DENND3: variants seen among roughly 807,000 people sequenced by gnomAD.
DENND3 encodes the protein DENN domain containing 3.
Under a neutral mutation model 135.1 loss-of-function variants are expected in DENND3, and 88 were observed. The observed-to-expected ratio is 0.65, with a 90% CI of 0.55 to 0.78. The LOEUF (loss-of-function observed/expected upper bound fraction) is 0.78. DENND3 is among the 30% of genes least tolerant of loss of function. DENND3 has a pLI of 0.00. For missense variants in DENND3, 1,392 were observed against 1,688.4 expected, an observed-to-expected ratio of 0.82 and a Z score of 3.08; for synonymous variants, 693 against 712.3, an observed-to-expected ratio of 0.97 and a Z score of 0.43.
At chr8:141,190,208 C>A in intron 19 of DENND3, 76 bp from the exon 20 acceptor site, 1 of 1,435,302 alleles carries the variant, frequency 7.0e-7, no homozygotes, top group Non-Finnish European at 9.1e-7. Flanking sequence ...CGACTTGGTT[C>A]TCTCTTGGGT....
At position 141,170,367 on chromosome 8, in the gene DENND3, GTGTA is replaced by G. The variant is rs1418017026; in HGVS notation, c.2275+1846_2275+1849del. 3.9e-5 allele frequency among the ~76,000 whole-genome samples: 6 copies of G among 152,222 alleles called. No homozygotes were observed. The South Asian group carries it at 6.2e-4, about 16-fold the overall frequency. On this transcript the variant is annotated intron_variant, in intron 13 of 22. Transcript: ENST00000519811. Reference sequence around the variant, plus strand: ...GTCATGGCCGAGTGTGTGTATGAGTGTGTATGTGTGTATATGAATGTGTGTGGGT... The same window carrying G: ...GTCATGGCCGAGTGTGTGTATGAGTGTGTGTGTATATGAATGTGTGTGGGT...
intron 9 of DENND3, among the ~76,000 whole-genome samples, chr8:141,162,439 A>G (rs1820247247): frequency 6.6e-6 from 1 of 152,136 alleles, no homozygotes; most frequent in African/African-American, 2.4e-5. Context: ...TTTAAAAAAA[A>G]GAGGCAGAAA....
At position 141,138,664 on chromosome 8, in the gene DENND3, G is replaced by C. The variant is rs914317989; in HGVS notation, c.501+527G>C. On this transcript the variant is annotated intron_variant, in intron 3 of 22. Coordinates refer to ENST00000519811, the MANE Select transcript of DENND3 (RefSeq NM_001352890.3). The surrounding 1 kb of genome is among the most constrained non-coding windows in gnomAD (Gnocchi z 4.8). ...GCCTCCCAAAGTGCTGGGATTACAG[G>C]TGTGAGCGCTGCGCCCGGCCGGCTA... Among the ~76,000 whole-genome samples, 3 of 152,176 alleles carry C rather than the reference G, an allele frequency of 2.0e-5. No individual in the cohort carries two copies. In the East Asian group the frequency reaches 5.8e-4, roughly 29 times the overall value.
At chr8:141,180,284 C>CG (rs1822924872) in intron 16 of DENND3, among the ~76,000 whole-genome samples, 2 of 152,228 alleles carry the variant, frequency 1.3e-5, no homozygotes, top group Non-Finnish European at 2.9e-5. Flanking sequence ...TCCAGCCCAA[C>CG]ACGCCCCTGG....
chr8:141,178,068 A>G lies in DENND3; in HGVS notation c.2708A>G (p.Asp903Gly). 6.2e-7 allele frequency: 1 copy of G among 1,603,388 alleles called. No individual in the cohort carries two copies. The highest frequency in any genetic ancestry group is 1.1e-5 in the South Asian group (1 of 90,678). Residue 903 changes from aspartate to glycine, a missense_variant and splice_region_variant, in exon 16 of 23, where the codon GAC becomes GGC. Asp to Gly is a moderately conservative substitution (Grantham distance 94). Transcript: ENST00000519811. ...GAAACGCACGTGTTTCTGTTGTAGG[A>G]CCCTCACTACGTCCAGCAGGCGCTG... ...AGKKLADDHK[D>G]PHYVQQALTN...
At chr8:141,188,193 C>G (rs753565055) in intron 18 of DENND3, among the ~76,000 whole-genome samples, 2 of 152,030 alleles carry the variant, frequency 1.3e-5, no homozygotes, top group Non-Finnish European at 2.9e-5. Context: ...CCACTGCACT[C>G]CAGCCTGGGT....
At chr8:141,165,758 C>G (rs180841264) in intron 11 of DENND3, among the ~76,000 whole-genome samples, 202 of 152,336 alleles carry the variant, frequency 1.3e-3, no homozygotes, top group African/African-American at 4.3e-3. Context: ...GCCACCACTC[C>G]TGGCCTGTTT....
At position 141,174,631 on chromosome 8, in the gene DENND3, G is replaced by A. The variant is rs966911837; in HGVS notation, c.2276-569G>A. Among the ~76,000 whole-genome samples, 2 of 152,152 alleles carry A rather than the reference G, an allele frequency of 1.3e-5. No individual in the cohort carries two copies. Among genetic ancestry groups the A allele is most frequent in the African/African-American group, 4.8e-5 (2 of 41,440 alleles). On this transcript the variant is annotated intron_variant, in intron 13 of 22. Coordinates refer to ENST00000519811, the MANE Select transcript of DENND3 (RefSeq NM_001352890.3). The surrounding 1 kb of genome is among the most constrained non-coding windows in gnomAD (Gnocchi z 4.6). ...GTGCTGGCCTCGTGGGAAGGTTACTGCTTCTCATCAGCGGAGGTGATTTCA... is the reference window on the plus strand; with the variant it reads ...GTGCTGGCCTCGTGGGAAGGTTACTACTTCTCATCAGCGGAGGTGATTTCA...
At chr8:141,189,874 GCT>G (rs977828367) in intron 19 of DENND3, among the ~76,000 whole-genome samples, 11 of 152,234 alleles carry the variant, frequency 7.2e-5, no homozygotes, top group Non-Finnish European at 1.6e-4. Context: ...TCACCCGAGA[GCT>G]CTGAGGATCG....
intron 4 of DENND3, chr8:141,143,840 G>A (rs571786951): frequency 4.2e-4 from 108 of 254,704 alleles, no homozygotes; most frequent in Middle Eastern, 1.3e-3. Flanking sequence ...ACAGACAAAC[G>A]CACAAATTCC....
chr8:141,180,709 G>A (rs1468030659), intron 16 of DENND3, 38 bp from the exon 17 acceptor site: 2 of 1,578,852 alleles, frequency 1.3e-6, no homozygotes, highest in African/African-American at 2.7e-5. Flanking sequence ...GTTTCCTTGA[G>A]GCTGCAACAG....
At chr8:141,187,279 G>T (rs1589713925) in intron 18 of DENND3, among the ~76,000 whole-genome samples, 1 of 150,220 alleles carries the variant, frequency 6.7e-6, no homozygotes, top group Non-Finnish European at 1.5e-5. Context: ...TTTTGACAGG[G>T]TCCCTCTCCC....
chr8:141,149,527 C>A (rs1350274514), intron 5 of DENND3, among the ~76,000 whole-genome samples: 2 of 152,252 alleles, frequency 1.3e-5, no homozygotes, highest in African/African-American at 4.8e-5. Flanking sequence ...GGAGGAACAT[C>A]ATTTACCTGC....
In DENND3 at chr8:141,175,625, T is replaced by G. The variant is rs540993500; in HGVS notation, c.2535+166T>G. The G allele has an allele frequency of 7.1e-6, 7 of 981,684 alleles. No homozygotes were observed. The Admixed American group carries it at 1.0e-4, about 14-fold the overall frequency. 60.8% of individuals were successfully genotyped at this position (981,684 alleles called of 1,614,324 possible). On this transcript the variant is annotated intron_variant, in intron 14 of 22. Transcript: ENST00000519811. This position sits in a 1 kb window ranked among gnomAD's most constrained non-coding sequence, Gnocchi z 5.4. ...AGTTTGCTCATCTGTAAAGTAGGAA[T>G]AAGGCTGATACCTTCTCAGTGGGTG... is the stretch of plus-strand genomic sequence containing the variant.
chr8:141,175,379 GCC>G lies in DENND3; in HGVS notation c.2456_2457del (p.Ala819AspfsTer63). ...GACAAACCTAGGCGTTGGCAAGATC[GCC>G]ATGACCCAGAAGCGCCTGTTCCTCC... Reference protein sequence around the residue: ...VKTNLGVGKIAMTQKRLFLLT... With the variant: ...VKTNLGVGKIXMTQKRLFLLT... On this transcript the variant is annotated frameshift_variant, in exon 14 of 23. Coordinates refer to ENST00000519811, the MANE Select transcript of DENND3 (RefSeq NM_001352890.3). LOFTEE classifies it high-confidence loss of function. The surrounding 1 kb of genome is among the most constrained non-coding windows in gnomAD (Gnocchi z 5.4). 6.2e-7 allele frequency: 1 copy of G among 1,614,162 alleles called. No individual in the cohort carries two copies. Among genetic ancestry groups the G allele is most frequent in the East Asian group, 2.2e-5 (1 of 44,878 alleles).
In DENND3 at chr8:141,175,600, A is replaced by C; in HGVS notation, c.2535+141A>C. The C allele has an allele frequency of 7.6e-7, 1 of 1,317,116 alleles. No individual in the cohort carries two copies. The highest frequency in any genetic ancestry group is 1.1e-6 in the Non-Finnish European group (1 of 935,736). The allele number at this position is 1,317,116 out of a possible 1,614,324, so 81.6% of individuals were successfully genotyped here. ...CAGACCGAATGCCTTCCTGTCCCTC[A>C]GTTTGCTCATCTGTAAAGTAGGAAT... On this transcript the variant is annotated intron_variant, in intron 14 of 22. Coordinates refer to ENST00000519811, the MANE Select transcript of DENND3 (RefSeq NM_001352890.3). This position sits in a 1 kb window ranked among gnomAD's most constrained non-coding sequence, Gnocchi z 5.4.
At chr8:141,188,044 C>CAGGCGTGGTGGCATCAGCT (rs1824141918) in intron 18 of DENND3, among the ~76,000 whole-genome samples, 1 of 147,148 alleles carries the variant, frequency 6.8e-6, no homozygotes, top group Non-Finnish European at 1.5e-5. Context: ...AAACATCAGC[C>CAGGCGTGGTGGCATCAGCT]AGGCGTGGTG....
intron 8 of DENND3, chr8:141,158,211 C>G: frequency 7.8e-7 from 1 of 1,289,688 alleles, no homozygotes; most frequent in Non-Finnish European, 1.0e-6. Context: ...ACCTGAGCAG[C>G]TGTTCTGTTG....
intron 1 of DENND3, among the ~76,000 whole-genome samples, chr8:141,136,129 C>T (rs1384772650): frequency 2.6e-5 from 4 of 152,210 alleles, no homozygotes; most frequent in Non-Finnish European, 4.4e-5. Context: ...TCCCTGTACT[C>T]GCCGCTTAAA....
Sources: gnomAD v4.1 joint callset for allele counts (sites outside exome capture counted in the v4.1 genomes callset) on GRCh38, gnomAD v4.1.1 for gene constraint, Gnocchi (gnomAD v3.1) non-coding constraint, MANE v1.5 for transcripts, NCBI Gene and HGNC (gene_info 2026-07-23, HGNC 2026-07-21) for gene names.